Variants in CCDC171 observed in about 807,000 individuals in gnomAD.
The protein encoded by CCDC171 is coiled-coil domain containing 171.
A neutral mutation model predicts 168.2 loss-of-function variants in CCDC171; 177 were observed. The observed-to-expected ratio is 1.05, with a 90% CI of 0.93 to 1.19. The LOEUF is 1.19. CCDC171 is among the 50% of genes most tolerant of loss of function. The pLI is 0.00. For missense variants in CCDC171, 1,991 were observed against 1,539.0 expected, an observed-to-expected ratio of 1.29 and a Z score of -4.91; for synonymous variants, 687 against 540.8, an observed-to-expected ratio of 1.27 and a Z score of -3.75.
intron 24 of CCDC171, among the ~76,000 whole-genome samples, chr9:15,878,080 C>A (rs1374433204): frequency 1.3e-5 from 2 of 152,120 alleles, no homozygotes; most frequent in Non-Finnish European, 2.9e-5. Context: ...GCAAAGATTT[C>A]ATGATGAAGG....
chr9:15,977,954 A>G (rs1831673168), downstream of CCDC171, among the ~76,000 whole-genome samples: 3 of 152,312 alleles, frequency 2.0e-5, no homozygotes, highest in African/African-American at 4.8e-5. Context: ...ATTACAGGCT[A>G]TATAATAGGA....
chr9:16,015,544 C>T (rs1034493100), intron 3 of CCDC171, among the ~76,000 whole-genome samples: 2 of 152,156 alleles, frequency 1.3e-5, no homozygotes, highest in Non-Finnish European at 2.9e-5. Context: ...CTATAATTTC[C>T]CACCTCTGTA....
the CCDC171 span, among the ~76,000 whole-genome samples, chr9:16,072,002 A>G: frequency 6.6e-6 from 1 of 152,224 alleles, no homozygotes; most frequent in Non-Finnish European, 1.5e-5. Flanking sequence ...AGGCATGAGA[A>G]GCCATAGGAG....
chr9:15,924,868 C>G lies in CCDC171; in HGVS notation c.3753+4446C>G, dbSNP rs117817206. Among the ~76,000 whole-genome samples, 614 of 151,612 alleles carry G rather than the reference C, an allele frequency of 4.0e-3. 1 individual carries two copies. The highest frequency in any genetic ancestry group is 6.0e-3 in the Non-Finnish European group (408 of 67,668). Reference sequence around the variant, plus strand: ...ATCCCTTTCAATTTTTATGCAACATCAGGTCTTTAGCTACTCCTTTCTTCT... The same window carrying G: ...ATCCCTTTCAATTTTTATGCAACATGAGGTCTTTAGCTACTCCTTTCTTCT... On this transcript the variant is annotated intron_variant, in intron 25 of 25. Coordinates refer to ENST00000380701, the MANE Select transcript of CCDC171 (RefSeq NM_173550.4).
At chr9:15,963,305 T>C (rs2987008) in intron 25 of CCDC171, among the ~76,000 whole-genome samples, 81,483 of 151,764 alleles carry the variant, frequency 0.54, 23,190 homozygotes, top group African/African-American at 0.74. Context: ...ACGTTGTGCA[T>C]GTGTACCCTA....
chr9:15,616,609 C>T (rs576018700), intron 6 of CCDC171, among the ~76,000 whole-genome samples: 12 of 152,030 alleles, frequency 7.9e-5, no homozygotes, highest in Admixed American at 1.3e-4. Flanking sequence ...GTATGTAAGT[C>T]AATGACTGAA....
chr9:15,940,739 C>T (rs1017008774), intron 25 of CCDC171, among the ~76,000 whole-genome samples: 50 of 151,962 alleles, frequency 3.3e-4, no homozygotes, highest in African/African-American at 1.1e-3. Flanking sequence ...GCAAACTGGA[C>T]TGTGGAGTCA....
At chr9:16,095,495 C>T in the CCDC171 span, among the ~76,000 whole-genome samples, 4 of 148,928 alleles carry the variant, frequency 2.7e-5, no homozygotes, top group Non-Finnish European at 5.9e-5. Flanking sequence ...CTCTATATCT[C>T]TCTTTCCGTC....
At chr9:15,707,207 G>A (rs1170243497) in intron 11 of CCDC171, among the ~76,000 whole-genome samples, 3 of 152,076 alleles carry the variant, frequency 2.0e-5, no homozygotes, top group Non-Finnish European at 4.4e-5. Flanking sequence ...AACCAAACTT[G>A]CCGCACTTCA....
intron 6 of CCDC171, among the ~76,000 whole-genome samples, chr9:15,611,031 G>A (rs971558663): frequency 1.2e-4 from 18 of 152,110 alleles, no homozygotes; most frequent in Non-Finnish European, 2.5e-4. Flanking sequence ...GATTTCTCAT[G>A]AATGGTTTAG....
At chr9:15,762,730 A>G (rs1259990790) in intron 18 of CCDC171, among the ~76,000 whole-genome samples, 2 of 152,202 alleles carry the variant, frequency 1.3e-5, no homozygotes, top group African/African-American at 4.8e-5. Flanking sequence ...AAAAATGTAT[A>G]CACTAGAATG....
intron 6 of CCDC171, among the ~76,000 whole-genome samples, chr9:16,028,121 T>C (rs1490844395): frequency 1.3e-5 from 2 of 152,160 alleles, no homozygotes; most frequent in Non-Finnish European, 2.9e-5. Flanking sequence ...TATGTCTTCA[T>C]GGCCATGAGT....
At chr9:15,583,815 A>G (rs1176553113) in intron 4 of CCDC171, among the ~76,000 whole-genome samples, 1 of 152,196 alleles carries the variant, frequency 6.6e-6, no homozygotes, top group Non-Finnish European at 1.5e-5. Context: ...CTTGATTAAA[A>G]AAAAAAGTGT....
chr9:15,933,328 T>G (rs1432953069), intron 25 of CCDC171, among the ~76,000 whole-genome samples: 1 of 151,942 alleles, frequency 6.6e-6, no homozygotes, highest in Non-Finnish European at 1.5e-5. Context: ...TGGAAGGTTA[T>G]GATCCTTTAT....
chr9:15,660,398 G>T (rs1035025595), intron 8 of CCDC171, among the ~76,000 whole-genome samples: 1 of 152,080 alleles, frequency 6.6e-6, no homozygotes, highest in East Asian at 1.9e-4. Context: ...TGAGGTTTGG[G>T]GCATGATTGA....
chr9:15,810,345 C>G (rs528560063), intron 21 of CCDC171, among the ~76,000 whole-genome samples: 163 of 152,334 alleles, frequency 1.1e-3, no homozygotes, highest in Middle Eastern at 3.4e-3. Context: ...CCTAGTGGAT[C>G]CCATGCCAGG....
At chr9:15,739,118 T>C (rs2054681040) in intron 16 of CCDC171, among the ~76,000 whole-genome samples, 1 of 152,202 alleles carries the variant, frequency 6.6e-6, no homozygotes, top group South Asian at 2.1e-4. Flanking sequence ...TGAGTGACCC[T>C]TACTTAAGTT....
At chr9:15,681,413 T>A (rs2050033413) in intron 10 of CCDC171, among the ~76,000 whole-genome samples, 1 of 152,108 alleles carries the variant, frequency 6.6e-6, no homozygotes, top group Non-Finnish European at 1.5e-5. Context: ...TAGCTTTGCG[T>A]CTTATTTTCT....
intron 12 of CCDC171, among the ~76,000 whole-genome samples, chr9:15,722,572 C>G (rs1428148232): frequency 6.6e-6 from 1 of 152,120 alleles, no homozygotes; most frequent in African/African-American, 2.4e-5. Flanking sequence ...ACATTAAATA[C>G]AATTAGTTAG....
Sources: allele counts gnomAD v4.1 joint callset (sites outside exome capture counted in the v4.1 genomes callset), GRCh38; gene constraint gnomAD v4.1.1; transcripts MANE v1.5; gene names NCBI Gene and HGNC (gene_info 2026-07-23, HGNC 2026-07-21).